The following TTLL11 variants were observed in gnomAD, a reference collection of about 807,000 sequenced individuals.
TTLL11 encodes the protein tubulin polyglutamylase TTLL11.
A neutral mutation model predicts 51.7 loss-of-function variants in TTLL11; 42 were observed. That is an observed-to-expected ratio of 0.81 (90% confidence interval 0.64 to 1.05). The LOEUF (loss-of-function observed/expected upper bound fraction) is 1.05. TTLL11 is among the 50% of genes least tolerant of loss of function. TTLL11 has a pLI of 0.00. For missense variants in TTLL11, 799 were observed against 940.4 expected (o/e 0.85, Z 1.97); for synonymous variants, 381 against 383.5 (o/e 0.99, Z 0.08).
chr9:121,983,720 T>C (rs1041308405), intron 4 of TTLL11, among the ~76,000 whole-genome samples: 9 of 152,124 alleles, frequency 5.9e-5, no homozygotes, highest in African/African-American at 2.2e-4. Context: ...TTTTCTGGGC[T>C]CTCCCAGCAT....
At chr9:121,948,999 A>G (rs1179397198) in intron 6 of TTLL11, among the ~76,000 whole-genome samples, 4 of 152,094 alleles carry the variant, frequency 2.6e-5, no homozygotes, top group African/African-American at 9.7e-5. Context: ...GGAATCTTGG[A>G]GGTGAGAATG....
At chr9:122,029,906 C>G (rs1844477241) in intron 3 of TTLL11, among the ~76,000 whole-genome samples, 2 of 152,108 alleles carry the variant, frequency 1.3e-5, no homozygotes, top group Admixed American at 6.5e-5. Flanking sequence ...TTTCCCCTTT[C>G]TATGTTTAGA....
In TTLL11 at chr9:122,067,337, C is replaced by T. The variant is rs544138413; in HGVS notation, c.462+25350G>A. ...CAAAAGAGGCACTTTGTTTCTATTACGGTGAATCTGACTTCTTTGACAGGT... is the reference window on the plus strand; with the variant it reads ...CAAAAGAGGCACTTTGTTTCTATTATGGTGAATCTGACTTCTTTGACAGGT... On this transcript the variant is annotated intron_variant, in intron 1 of 8. Transcript: ENST00000321582. 4.6e-5 allele frequency among the ~76,000 whole-genome samples: 7 copies of T among 152,266 alleles called. No individual in the cohort carries two copies. In the East Asian group the frequency reaches 5.8e-4, roughly 13 times the overall value.
chr9:121,987,705 G>A (rs968295026), intron 4 of TTLL11, among the ~76,000 whole-genome samples: 6 of 152,146 alleles, frequency 3.9e-5, no homozygotes, highest in African/African-American at 1.2e-4. Context: ...TTGCCATTCC[G>A]GCTCCTTCTC....
At chr9:121,835,282 A>G (rs1837152726) in intron 8 of TTLL11, among the ~76,000 whole-genome samples, 1 of 152,148 alleles carries the variant, frequency 6.6e-6, no homozygotes, top group African/African-American at 2.4e-5. Flanking sequence ...GGCTGCCAAT[A>G]CTCACATTGT....
intron 6 of TTLL11, among the ~76,000 whole-genome samples, chr9:121,929,197 T>C (rs1462735764): frequency 6.6e-6 from 1 of 152,006 alleles, no homozygotes. Context: ...ATCCCAGCAC[T>C]TTGGGAGGCT....
At chr9:121,928,820 C>G (rs1381505562) in intron 6 of TTLL11, among the ~76,000 whole-genome samples, 2 of 152,142 alleles carry the variant, frequency 1.3e-5, no homozygotes, top group Non-Finnish European at 2.9e-5. Context: ...GATCCTCCCA[C>G]CTTGGCCTCC....
intron 8 of TTLL11, among the ~76,000 whole-genome samples, chr9:121,839,759 G>A (rs73664537): frequency 0.053 from 8,116 of 152,172 alleles, 323 homozygotes; most frequent in African/African-American, 0.1. Flanking sequence ...GTTAACTGGC[G>A]GGGCCTTCTA....
chr9:121,996,678 C>A (rs1162183850), intron 3 of TTLL11, among the ~76,000 whole-genome samples: 6 of 152,244 alleles, frequency 3.9e-5, no homozygotes, highest in Admixed American at 2.0e-4. Flanking sequence ...TACATTAAAT[C>A]TTCTGATATC....
At chr9:121,964,737 G>T (rs1409827501) in intron 6 of TTLL11, among the ~76,000 whole-genome samples, 1 of 152,082 alleles carries the variant, frequency 6.6e-6, no homozygotes, top group Non-Finnish European at 1.5e-5. Flanking sequence ...ACAGAGCCTT[G>T]TGCCTTTGTT....
chr9:122,058,324 T>C (rs1455160109), intron 1 of TTLL11, among the ~76,000 whole-genome samples: 3 of 152,250 alleles, frequency 2.0e-5, no homozygotes, highest in African/African-American at 7.2e-5. Context: ...CACGGGGCTT[T>C]GCAATAGACA....
intron 8 of TTLL11, among the ~76,000 whole-genome samples, chr9:121,835,276 G>C (rs892338550): frequency 7.9e-5 from 12 of 152,182 alleles, no homozygotes; most frequent in African/African-American, 2.9e-4. Flanking sequence ...AGACTGGGCT[G>C]CCAATACTCA....
rs7864395 is a variant in TTLL11, at chr9:122,039,950, C to G, written c.463-582G>C. Among the ~76,000 whole-genome samples the G allele has an allele frequency of 7.3e-3, 1,113 of 151,910 alleles. 15 individuals carry two copies. Among genetic ancestry groups the G allele is most frequent in the African/African-American group, 0.026 (1,071 of 41,410 alleles). On this transcript the variant is annotated intron_variant, in intron 1 of 8. Transcript: ENST00000321582. The stretch of plus-strand genomic sequence containing the variant: ...ATGAGGGTAAGATGAATCCCAGGGC[C>G]TAAAACAGTTCCCCAAACTCGTAAA...
chr9:121,869,452 G>T (rs867603276), intron 7 of TTLL11, among the ~76,000 whole-genome samples: 2 of 152,288 alleles, frequency 1.3e-5, no homozygotes, highest in South Asian at 4.1e-4. Context: ...CATCCTCCTT[G>T]AGGTGTATAG....
intron 8 of TTLL11, among the ~76,000 whole-genome samples, chr9:121,826,110 A>G (rs1250064038): frequency 6.9e-6 from 1 of 145,358 alleles, no homozygotes; most frequent in Non-Finnish European, 1.5e-5. Flanking sequence ...AAAAAATACA[A>G]TGCAAACTTT....
At chr9:121,959,825 C>T (rs1014317016) in intron 6 of TTLL11, among the ~76,000 whole-genome samples, 1 of 151,980 alleles carries the variant, frequency 6.6e-6, no homozygotes, top group African/African-American at 2.4e-5. Flanking sequence ...TAATTAGGCC[C>T]TGCAGCTCTG....
chr9:121,912,682 T>C (rs1461785846), intron 6 of TTLL11, among the ~76,000 whole-genome samples: 2 of 152,124 alleles, frequency 1.3e-5, no homozygotes, highest in Non-Finnish European at 2.9e-5. Context: ...TTTTGTGACA[T>C]TCTAGATCCT....
intron 1 of TTLL11, among the ~76,000 whole-genome samples, chr9:122,086,963 T>C (rs1588269536): frequency 6.6e-6 from 1 of 152,192 alleles, no homozygotes; most frequent in Non-Finnish European, 1.5e-5. Context: ...GTGATGATAA[T>C]AGAATAACTC....
intron 8 of TTLL11, among the ~76,000 whole-genome samples, chr9:121,823,565 A>C (rs888421341): frequency 1.4e-4 from 21 of 152,140 alleles, no homozygotes; most frequent in Non-Finnish European, 2.4e-4. Flanking sequence ...AAACAAAAAA[A>C]CCCAGCTTCT....
Sources: allele counts gnomAD v4.1 joint callset (sites outside exome capture counted in the v4.1 genomes callset), GRCh38; gene constraint gnomAD v4.1.1; transcripts MANE v1.5; gene names NCBI Gene and HGNC (gene_info 2026-07-23, HGNC 2026-07-21).